Variants in RNF169 observed in about 807,000 individuals in gnomAD.
RNF169 encodes E3 ubiquitin-protein ligase RNF169.
Under a neutral mutation model 53.9 loss-of-function variants are expected in RNF169, and 24 were observed. The observed-to-expected ratio is 0.45, with a 90% CI of 0.32 to 0.63. The LOEUF is 0.63. RNF169 is among the 20% of genes least tolerant of loss of function. The pLI, the probability that RNF169 is intolerant of heterozygous loss-of-function variation, is 0.04. For synonymous variants in RNF169, 396 were observed against 363.5 expected, an observed-to-expected ratio of 1.09 and a Z score of -1.02; for missense variants, 883 against 906.2, an observed-to-expected ratio of 0.97 and a Z score of 0.33.
intron 1 of RNF169, among the ~76,000 whole-genome samples, chr11:74,782,852 GAT>G (rs1423220274): frequency 6.7e-6 from 1 of 149,618 alleles, no homozygotes; most frequent in African/African-American, 2.5e-5. Context: ...CTATAGTTCT[GAT>G]ATATGGTTGT....
intron 2 of RNF169, among the ~76,000 whole-genome samples, chr11:74,801,005 A>C (rs953684450): frequency 1.3e-5 from 2 of 152,262 alleles, no homozygotes; most frequent in South Asian, 2.1e-4. Context: ...AGTAATTTTA[A>C]ATATCTTATT....
intron 4 of RNF169, among the ~76,000 whole-genome samples, chr11:74,824,825 GC>G (rs2135138296): frequency 6.6e-6 from 1 of 152,144 alleles, no homozygotes; most frequent in Non-Finnish European, 1.5e-5. Flanking sequence ...AGAAAGGGTT[GC>G]CTGTATAAGA....
chr11:74,822,479 C>CT (rs11454883), intron 4 of RNF169, among the ~76,000 whole-genome samples: 5,506 of 152,244 alleles, frequency 0.036, 91 homozygotes, highest in Middle Eastern at 0.048. Flanking sequence ...GCTGCTTTCT[C>CT]TTGTTTATGC....
intron 1 of RNF169, among the ~76,000 whole-genome samples, chr11:74,757,845 G>C (rs1195396604): frequency 3.8e-5 from 2 of 52,408 alleles, no homozygotes; most frequent in Non-Finnish European, 5.9e-5. Context: ...TGATGGGGTT[G>C]TTTGTTTTTT....
At chr11:74,833,193 T>C (rs11820980) in intron 4 of RNF169, among the ~76,000 whole-genome samples, 3,621 of 152,238 alleles carry the variant, frequency 0.024, 121 homozygotes, top group African/African-American at 0.083. Context: ...GGGTAGGACA[T>C]GCTACCCCCT....
At chr11:74,814,380 CT>C (rs35427771) in intron 3 of RNF169, among the ~76,000 whole-genome samples, 6,268 of 96,134 alleles carry the variant, frequency 0.065, 446 homozygotes, top group African/African-American at 0.24. Context: ...TCTTTCTTGC[CT>C]TTTTTTTTTT....
At chr11:74,793,579 G>C (rs1470307713) in intron 2 of RNF169, among the ~76,000 whole-genome samples, 1 of 152,162 alleles carries the variant, frequency 6.6e-6, no homozygotes, top group Non-Finnish European at 1.5e-5. Context: ...GCTGGGGTAA[G>C]GGACTACTGT....
chr11:74,757,064 G>A (rs2034995328), intron 1 of RNF169, among the ~76,000 whole-genome samples: 1 of 145,894 alleles, frequency 6.9e-6, no homozygotes, highest in Non-Finnish European at 1.5e-5. Context: ...AGTTACATAT[G>A]TATACATGTG....
intron 4 of RNF169, among the ~76,000 whole-genome samples, chr11:74,833,409 A>G (rs912175509): frequency 6.6e-6 from 1 of 152,214 alleles, no homozygotes; most frequent in African/African-American, 2.4e-5. Context: ...CTGCATAACT[A>G]TGTGTCCACC....
intron 1 of RNF169, among the ~76,000 whole-genome samples, chr11:74,787,768 C>T (rs532355292): frequency 6.6e-6 from 1 of 152,312 alleles, no homozygotes; most frequent in South Asian, 2.1e-4. Flanking sequence ...AGCATGTATC[C>T]TTTGACCCAG....
At chr11:74,790,928 TG>T (rs1262125937) in intron 2 of RNF169, among the ~76,000 whole-genome samples, 1 of 152,208 alleles carries the variant, frequency 6.6e-6, no homozygotes, top group Non-Finnish European at 1.5e-5. Flanking sequence ...GCCCACAACA[TG>T]GTGAGTGAGG....
intron 4 of RNF169, among the ~76,000 whole-genome samples, chr11:74,825,818 A>G (rs1416511955): frequency 6.6e-6 from 1 of 152,184 alleles, no homozygotes; most frequent in Non-Finnish European, 1.5e-5. Context: ...AGTAGGCTCC[A>G]TCCCATGTGT....
At chr11:74,770,030 A>G (rs997474221) in intron 1 of RNF169, among the ~76,000 whole-genome samples, 12 of 152,150 alleles carry the variant, frequency 7.9e-5, no homozygotes, top group African/African-American at 2.9e-4. Flanking sequence ...GGGTTCAAGC[A>G]ATCCTCCTGC....
chr11:74,766,782 A>G (rs2035180378), intron 1 of RNF169, among the ~76,000 whole-genome samples: 1 of 152,224 alleles, frequency 6.6e-6, no homozygotes, highest in African/African-American at 2.4e-5. Context: ...AATTCTGTCC[A>G]TTGAAGAAGT....
At chr11:74,833,700 A>G (rs1487801429) in intron 4 of RNF169, among the ~76,000 whole-genome samples, 1 of 152,212 alleles carries the variant, frequency 6.6e-6, no homozygotes, top group Non-Finnish European at 1.5e-5. Context: ...TAGTAAGTAT[A>G]TGATACATGC....
chr11:74,841,401 T>G lies in RNF169; in HGVS notation c.*4671T>G. On this transcript the variant is annotated 3_prime_UTR_variant, in exon 6 of 6. Coordinates refer to ENST00000299563, the MANE Select transcript of RNF169 (RefSeq NM_001098638.2). ...ATACATGATTGTTAGCTGCTGTAGC[T>G]TTCTGAAGAAGATTGTAGAAAAGAG... 1 of 152,210 alleles carries G rather than the reference T, an allele frequency of 6.6e-6. No homozygotes were observed. The highest frequency in any genetic ancestry group is 1.9e-4 in the East Asian group (1 of 5,198). The allele number at this position is 152,210 out of a possible 1,614,324, so 9.4% of individuals were successfully genotyped here. A position where few individuals can be genotyped will look rare whatever the true frequency, so the allele number is the denominator to read the frequency against.
At chr11:74,754,698 A>G (rs1007382367) in intron 1 of RNF169, among the ~76,000 whole-genome samples, 4 of 152,084 alleles carry the variant, frequency 2.6e-5, no homozygotes, top group Non-Finnish European at 5.9e-5. Context: ...GTGCACGCTT[A>G]TAGTCCCAGC....
At chr11:74,778,076 G>A (rs550969251) in intron 1 of RNF169, among the ~76,000 whole-genome samples, 1 of 152,296 alleles carries the variant, frequency 6.6e-6, no homozygotes, top group South Asian at 2.1e-4. Context: ...ACTGCAGTGT[G>A]TGTTTGTAAG....
intron 3 of RNF169, among the ~76,000 whole-genome samples, chr11:74,817,034 A>G (rs1460659558): frequency 6.6e-6 from 1 of 152,248 alleles, no homozygotes; most frequent in African/African-American, 2.4e-5. Flanking sequence ...AGGTAAGGCA[A>G]TGACCATGAA....
Sources: allele counts gnomAD v4.1 joint callset (sites outside exome capture counted in the v4.1 genomes callset), GRCh38; gene constraint gnomAD v4.1.1; transcripts MANE v1.5; gene names NCBI Gene and HGNC (gene_info 2026-07-23, HGNC 2026-07-21).